Variants in XKR4 observed in about 807,000 individuals in gnomAD.
The protein encoded by XKR4 is XK related 4, also known as XK-related protein 4.
XKR4 carries 12 observed loss-of-function variants against 53.9 expected under a neutral mutation model. The ratio of observed to expected loss-of-function variants is 0.22; its 90% CI spans 0.14 to 0.36. The LOEUF (loss-of-function observed/expected upper bound fraction) is 0.36. Ranked by LOEUF, XKR4 falls within the 10% of genes least tolerant of loss-of-function variation. The probability of loss-of-function intolerance (pLI) is 1.00; values close to 1 mark genes in which losing one functional copy is unlikely to be tolerated. For synonymous variants in XKR4, 354 were observed against 362.4 expected, an observed-to-expected ratio of 0.98 and a Z score of 0.26; for missense variants, 799 against 859.5, an observed-to-expected ratio of 0.93 and a Z score of 0.88.
intron 2 of XKR4, among the ~76,000 whole-genome samples, chr8:55,441,205 A>C (rs1415399847): frequency 6.6e-6 from 1 of 152,128 alleles, no homozygotes; most frequent in Non-Finnish European, 1.5e-5. Context: ...GGACTACTGC[A>C]CTACAGCCTG....
chr8:55,244,143 G>T (rs533486030), intron 1 of XKR4, among the ~76,000 whole-genome samples: 69 of 152,298 alleles, frequency 4.5e-4, no homozygotes, highest in African/African-American at 1.6e-3. Flanking sequence ...CAGGGGCTTA[G>T]TATACAGATT....
chr8:55,238,500 A>G (rs1312150476), intron 1 of XKR4, among the ~76,000 whole-genome samples: 1 of 152,174 alleles, frequency 6.6e-6, no homozygotes, highest in African/African-American at 2.4e-5. Flanking sequence ...TTGTTGTTCA[A>G]GGGTCACCTA....
intron 1 of XKR4, among the ~76,000 whole-genome samples, chr8:55,320,375 G>A (rs1250575506): frequency 6.6e-6 from 1 of 152,120 alleles, no homozygotes; most frequent in Non-Finnish European, 1.5e-5. Flanking sequence ...CTATCTGAAG[G>A]AAGGAAGAGA....
chr8:55,505,416 T>C (rs1806512786), intron 2 of XKR4, among the ~76,000 whole-genome samples: 1 of 152,182 alleles, frequency 6.6e-6, no homozygotes, highest in Admixed American at 6.5e-5. Flanking sequence ...CCAGGCATGA[T>C]GGCACACACC....
chr8:55,453,777 C>A (rs1484105720), intron 2 of XKR4: 2 of 408,626 alleles, frequency 4.9e-6, no homozygotes, highest in South Asian at 2.0e-5. Context: ...TCTACCAGTT[C>A]TTGGATGTGA....
intron 2 of XKR4, among the ~76,000 whole-genome samples, chr8:55,505,207 T>A (rs1244392565): frequency 6.6e-6 from 1 of 152,198 alleles, no homozygotes; most frequent in African/African-American, 2.4e-5. Context: ...AGCTTAGCAT[T>A]GCTTTGCTGC....
intron 1 of XKR4, among the ~76,000 whole-genome samples, chr8:55,329,685 A>C (rs1385722707): frequency 2.0e-5 from 3 of 152,168 alleles, no homozygotes; most frequent in Non-Finnish European, 4.4e-5. Flanking sequence ...TCCTTCTCTA[A>C]AATGTATTGA....
intron 1 of XKR4, among the ~76,000 whole-genome samples, chr8:55,199,683 A>G (rs1347298837): frequency 6.6e-6 from 1 of 152,176 alleles, no homozygotes; most frequent in East Asian, 1.9e-4. Context: ...GATCACAGCT[A>G]TGGATCACTA....
chr8:55,306,140 C>T (rs532849411), intron 1 of XKR4, among the ~76,000 whole-genome samples: 1 of 152,276 alleles, frequency 6.6e-6, no homozygotes, highest in African/African-American at 2.4e-5. Flanking sequence ...ATGAAAAAAA[C>T]TGTGCATTTT....
At chr8:55,221,652 C>T (rs1030063525) in intron 1 of XKR4, among the ~76,000 whole-genome samples, 1 of 152,162 alleles carries the variant, frequency 6.6e-6, no homozygotes, top group Non-Finnish European at 1.5e-5. Flanking sequence ...CCCTCTCCCA[C>T]CCCCATCGCT....
chr8:55,473,509 T>C (rs1018185389), intron 2 of XKR4, among the ~76,000 whole-genome samples: 4 of 152,124 alleles, frequency 2.6e-5, no homozygotes, highest in Non-Finnish European at 5.9e-5. Context: ...TCCACATAAT[T>C]GGTATAGCTG....
At chr8:55,369,404 G>C (rs1424086282) in intron 2 of XKR4, among the ~76,000 whole-genome samples, 1 of 73,560 alleles carries the variant, frequency 1.4e-5, no homozygotes, top group Non-Finnish European at 2.6e-5. Context: ...GGGGAGGGGA[G>C]GGAAAGGAAG....
chr8:55,140,050 T>C (rs555655854), intron 1 of XKR4: 8 of 319,192 alleles, frequency 2.5e-5, no homozygotes, highest in South Asian at 2.1e-4. Context: ...CTGAGAAAGA[T>C]TCTCATCCTA....
intron 1 of XKR4, among the ~76,000 whole-genome samples, chr8:55,335,639 T>A (rs1007332733): frequency 1.3e-5 from 2 of 152,182 alleles, no homozygotes; most frequent in Admixed American, 1.3e-4. Flanking sequence ...TTTGTAGCAG[T>A]ATATTCATAA....
intron 1 of XKR4, among the ~76,000 whole-genome samples, chr8:55,353,387 C>T (rs1435038973): frequency 6.6e-6 from 1 of 152,092 alleles, no homozygotes; most frequent in African/African-American, 2.4e-5. Flanking sequence ...GTGAAGAAGA[C>T]AGAAATTGGG....
Position 55,490,930 on chromosome 8 carries a change from GCC to G in XKR4, c.1007-32342_1007-32341del, listed in dbSNP as rs113340434. ...CATTATTTCTTCCAATATTTTTTCT[GCC>G]CCCCCCCCACCTTTATGACATTCCA... On this transcript the variant is annotated intron_variant, in intron 2 of 2. Coordinates refer to ENST00000327381, the MANE Select transcript of XKR4 (RefSeq NM_052898.2). Among the ~76,000 whole-genome samples the G allele has an allele frequency of 3.8e-3, 556 of 146,810 alleles. 5 individuals carry two copies. Among genetic ancestry groups the G allele is most frequent in the African/African-American group, 0.012 (498 of 40,502 alleles).
intron 1 of XKR4, among the ~76,000 whole-genome samples, chr8:55,105,749 T>TTATGAAGTA (rs1585880767): frequency 6.6e-6 from 1 of 152,278 alleles, no homozygotes; most frequent in Admixed American, 6.5e-5. Context: ...CATTTTCTGT[T>TTATGAAGTA]TATGAAGTAT....
chr8:55,389,591 A>G (rs776420903), intron 2 of XKR4, among the ~76,000 whole-genome samples: 1 of 152,204 alleles, frequency 6.6e-6, no homozygotes, highest in Non-Finnish European at 1.5e-5. Flanking sequence ...TGAAGAAGGA[A>G]TACAGATATA....
chr8:55,426,585 C>T lies in XKR4; in HGVS notation c.1006+68708C>T, dbSNP rs142329429. 6.3e-4 allele frequency among the ~76,000 whole-genome samples: 96 copies of T among 152,174 alleles called. 1 individual carries two copies. In the Middle Eastern group the frequency reaches 0.014, roughly 22 times the overall value. ...AGGCTGTGTGTTATTCTTCTTTGAT[C>T]CCCAGAACCAAGCAGAGTAGTTCAA... On this transcript the variant is annotated intron_variant, in intron 2 of 2. Transcript: ENST00000327381.
Sources: gnomAD v4.1 joint callset for allele counts (sites outside exome capture counted in the v4.1 genomes callset) on GRCh38, gnomAD v4.1.1 for gene constraint, MANE v1.5 for transcripts, NCBI Gene and HGNC (gene_info 2026-07-23, HGNC 2026-07-21) for gene names.